NAALADL2: variants seen among roughly 807,000 people sequenced by gnomAD.
NAALADL2 encodes the protein N-acetylated alpha-linked acidic dipeptidase like 2, also known as inactive N-acetylated-alpha-linked acidic dipeptidase-like protein 2.
NAALADL2 carries 76 observed loss-of-function variants against 87.2 expected under a neutral mutation model. That is an observed-to-expected ratio of 0.87 (90% CI 0.72 to 1.05). The LOEUF (loss-of-function observed/expected upper bound fraction) is 1.05, where lower values mean the gene tolerates loss of function less well. Ranked by LOEUF, NAALADL2 falls within the 50% of genes least tolerant of loss-of-function variation. NAALADL2 has a pLI of 0.00. For synonymous variants in NAALADL2, 354 were observed against 331.0 expected (o/e 1.07, Z -0.75); for missense variants, 1,089 against 945.8 (o/e 1.15, Z -1.99).
intron 3 of NAALADL2, among the ~76,000 whole-genome samples, chr3:174,846,578 C>A (rs1724645584): frequency 6.6e-6 from 1 of 152,126 alleles, no homozygotes; most frequent in Non-Finnish European, 1.5e-5. Context: ...GTGCAAAGTT[C>A]TGAGTAGGCC....
intron 2 of NAALADL2, among the ~76,000 whole-genome samples, chr3:175,186,973 A>G (rs916239834): frequency 2.0e-5 from 3 of 152,158 alleles, no homozygotes; most frequent in African/African-American, 4.8e-5. Context: ...TATCTTAACA[A>G]TCCTTTAGTT....
chr3:174,950,224 C>T (rs1292221706), intron 1 of NAALADL2, among the ~76,000 whole-genome samples: 1 of 151,824 alleles, frequency 6.6e-6, no homozygotes, highest in Non-Finnish European at 1.5e-5. Context: ...CTTGGTTTTA[C>T]CAAGGACTCT....
intron 4 of NAALADL2, among the ~76,000 whole-genome samples, chr3:175,261,670 T>C (rs1012206080): frequency 2.0e-5 from 3 of 152,148 alleles, no homozygotes; most frequent in South Asian, 4.1e-4. Flanking sequence ...ATTATTCTTA[T>C]ATACTTTTTT....
intron 10 of NAALADL2, among the ~76,000 whole-genome samples, chr3:175,617,445 A>G (rs2149688860): frequency 6.6e-6 from 1 of 152,244 alleles, no homozygotes; most frequent in Admixed American, 6.5e-5. Context: ...CAGATTGGAC[A>G]GGGTGGAGGC....
chr3:175,054,394 A>G (rs1434989742), intron 1 of NAALADL2, among the ~76,000 whole-genome samples: 1 of 152,202 alleles, frequency 6.6e-6, no homozygotes, highest in Admixed American at 6.5e-5. Flanking sequence ...ATTTTTTGGA[A>G]TTATAGCAGG....
At chr3:175,793,174 C>A (rs1355762560) in intron 13 of NAALADL2, among the ~76,000 whole-genome samples, 1 of 152,126 alleles carries the variant, frequency 6.6e-6, no homozygotes, top group Non-Finnish European at 1.5e-5. Context: ...TGGAACTTTT[C>A]TCCTAAACAA....
intron 2 of NAALADL2, among the ~76,000 whole-genome samples, chr3:174,723,530 C>T (rs1391577066): frequency 6.6e-6 from 1 of 151,890 alleles, no homozygotes; most frequent in Non-Finnish European, 1.5e-5. Context: ...CCGAGATGGG[C>T]GGATCACAAG....
intron 2 of NAALADL2, among the ~76,000 whole-genome samples, chr3:174,577,462 C>T (rs1715657710): frequency 6.6e-6 from 1 of 152,054 alleles, no homozygotes; most frequent in African/African-American, 2.4e-5. Context: ...TGTGGTTTGC[C>T]ACCCAATGAT....
At chr3:175,769,110 T>TGTAAGTTAGAATTTG (rs1749137224) in intron 13 of NAALADL2, among the ~76,000 whole-genome samples, 2 of 152,202 alleles carry the variant, frequency 1.3e-5, no homozygotes, top group Non-Finnish European at 2.9e-5. Flanking sequence ...CTTTCTTACC[T>TGTAAGTTAGAATTTG]GTAAGTTAGA....
At chr3:174,802,061 A>T (rs1161316881) in intron 3 of NAALADL2, among the ~76,000 whole-genome samples, 2 of 152,088 alleles carry the variant, frequency 1.3e-5, no homozygotes, top group African/African-American at 4.8e-5. Context: ...AGATGCTTTT[A>T]AAAAACTTTT....
intron 10 of NAALADL2, among the ~76,000 whole-genome samples, chr3:175,616,558 G>T (rs1216594574): frequency 3.3e-5 from 5 of 152,038 alleles, no homozygotes; most frequent in Admixed American, 6.6e-5. Context: ...ATATGAATCT[G>T]GGAGTGTATA....
At chr3:175,222,943 T>TC (rs1743596519) in intron 2 of NAALADL2, among the ~76,000 whole-genome samples, 1 of 152,144 alleles carries the variant, frequency 6.6e-6, no homozygotes, top group Non-Finnish European at 1.5e-5. Context: ...GCATTCAACC[T>TC]GTTGTGGTAT....
chr3:174,953,939 C>T (rs1740795157), intron 1 of NAALADL2, among the ~76,000 whole-genome samples: 1 of 152,162 alleles, frequency 6.6e-6, no homozygotes, highest in South Asian at 2.1e-4. Context: ...GAAGTTAAGG[C>T]ACTTGAAGCT....
At chr3:175,769,301 A>G (rs1749161217) in intron 13 of NAALADL2, among the ~76,000 whole-genome samples, 1 of 152,214 alleles carries the variant, frequency 6.6e-6, no homozygotes, top group African/African-American at 2.4e-5. Context: ...TTGGGAAGGA[A>G]CACAGAATAA....
intron 11 of NAALADL2, among the ~76,000 whole-genome samples, chr3:175,685,084 C>T (rs1736089815): frequency 6.6e-6 from 1 of 152,138 alleles, no homozygotes; most frequent in South Asian, 2.1e-4. Context: ...ACCTCACTCC[C>T]ATATCAAGAG....
intron 9 of NAALADL2, among the ~76,000 whole-genome samples, chr3:175,491,023 CT>C (rs879561995): frequency 2.6e-5 from 4 of 151,858 alleles, no homozygotes; most frequent in South Asian, 2.1e-4. Flanking sequence ...TGGATAGAGA[CT>C]TTTTTTAAAA....
intron 2 of NAALADL2, among the ~76,000 whole-genome samples, chr3:174,683,553 A>G (rs1253257746): frequency 1.3e-5 from 2 of 152,140 alleles, no homozygotes. Flanking sequence ...GTTCACTAAT[A>G]TAGTTGTTAT....
intron 2 of NAALADL2, among the ~76,000 whole-genome samples, chr3:175,195,042 T>TCC (rs1181072019): frequency 2.0e-5 from 3 of 151,596 alleles, no homozygotes; most frequent in Non-Finnish European, 4.4e-5. Context: ...TCTCTCTCTC[T>TCC]CTCCCTCCTC....
At chr3:175,465,785 A>G (rs575427781) in intron 7 of NAALADL2, among the ~76,000 whole-genome samples, 3 of 152,308 alleles carry the variant, frequency 2.0e-5, no homozygotes, top group Admixed American at 2.0e-4. Context: ...CCTTAATAAA[A>G]TGTTGGCAGA....
Sources: gnomAD v4.1 joint callset for allele counts (sites outside exome capture counted in the v4.1 genomes callset) on GRCh38, gnomAD v4.1.1 for gene constraint, MANE v1.5 for transcripts, NCBI Gene and HGNC (gene_info 2026-07-23, HGNC 2026-07-21) for gene names.